RILPL1: variants seen among roughly 807,000 people sequenced by gnomAD.
RILPL1 encodes Rab interacting lysosomal protein like 1, also known as RILP-like protein 1.
Under a neutral mutation model 50.3 loss-of-function variants are expected in RILPL1, and 33 were observed. That is an observed-to-expected ratio of 0.66 (90% CI 0.50 to 0.88). The LOEUF is 0.88. Ranked by LOEUF, RILPL1 falls within the 40% of genes least tolerant of loss-of-function variation. The pLI, the probability that RILPL1 is intolerant of heterozygous loss-of-function variation, is 0.00. For missense variants in RILPL1, 418 were observed against 542.5 expected (o/e 0.77, Z 2.28); for synonymous variants, 205 against 228.6 (o/e 0.90, Z 0.93).
chr12:123,528,596 T>G (rs1885343532), intron 1 of RILPL1, among the ~76,000 whole-genome samples: 1 of 151,434 alleles, frequency 6.6e-6, no homozygotes, highest in Non-Finnish European at 1.5e-5. Flanking sequence ...CCCGGCTAAT[T>G]TTTTGTATTT....
intron 6 of RILPL1, among the ~76,000 whole-genome samples, chr12:123,480,128 G>A (rs1430473213): frequency 1.3e-5 from 2 of 150,580 alleles, no homozygotes; most frequent in Non-Finnish European, 3.0e-5. Context: ...TACATTGGAA[G>A]TGAAAGTGAA....
chr12:123,501,162 G>A (rs904715648), intron 2 of RILPL1, among the ~76,000 whole-genome samples: 5 of 151,742 alleles, frequency 3.3e-5, no homozygotes, highest in Admixed American at 6.6e-5. Flanking sequence ...AGATGGCCAC[G>A]CATCTTGGCT....
intron 2 of RILPL1, among the ~76,000 whole-genome samples, chr12:123,505,325 C>T (rs1819524508): frequency 6.6e-6 from 1 of 152,224 alleles, no homozygotes; most frequent in Middle Eastern, 3.4e-3. Context: ...AGCCACTGCG[C>T]CCAGCCTGTT....
chr12:123,494,349 C>T (rs984129861), intron 4 of RILPL1, among the ~76,000 whole-genome samples: 7 of 152,122 alleles, frequency 4.6e-5, no homozygotes, highest in African/African-American at 1.2e-4. Context: ...AAAGCTGCCC[C>T]GAGCCTGGGA....
Position 123,472,846 on chromosome 12 carries a change from A to T in RILPL1, c.1068-164T>A, listed in dbSNP as rs966253009. 4 of 686,188 alleles carry T rather than the reference A, an allele frequency of 5.8e-6. No individual in the cohort carries two copies. The African/African-American group carries it at 7.2e-5, about 12-fold the overall frequency. The allele number at this position is 686,188 out of a possible 1,614,324, so 42.5% of individuals were successfully genotyped here. A position where few individuals can be genotyped will look rare whatever the true frequency, so the allele number is the denominator to read the frequency against. On this transcript the variant is annotated intron_variant, in intron 6 of 6. Transcript: ENST00000376874. ...GTGCAGGTCAAAGTTATTCCAAGAA[A>T]GCAGCAGGGTATTCTGCGTGTCATT... is the stretch of plus-strand genomic sequence containing the variant.
Position 123,485,176 on chromosome 12 carries a change from A to C in RILPL1, c.974+457T>G, listed in dbSNP as rs1423783127. ...TGCTGGGAACTTAGCCATGGACAAGATAAATAAGACTTCTGGTCTCATGTT... is the reference window on the plus strand; with the variant it reads ...TGCTGGGAACTTAGCCATGGACAAGCTAAATAAGACTTCTGGTCTCATGTT... On this transcript the variant is annotated intron_variant, in intron 5 of 6. Coordinates refer to ENST00000376874, the MANE Select transcript of RILPL1 (RefSeq NM_178314.5). The surrounding 1 kb of genome is among the most constrained non-coding windows in gnomAD (Gnocchi z 4.0). 3 of 456,620 alleles carry C rather than the reference A, an allele frequency of 6.6e-6. No homozygotes were observed. Among genetic ancestry groups the C allele is most frequent in the Non-Finnish European group, 1.3e-5 (3 of 227,216 alleles). The allele number at this position is 456,620 out of a possible 1,614,324, so 28.3% of individuals were successfully genotyped here. A position where few individuals can be genotyped will look rare whatever the true frequency, so the allele number is the denominator to read the frequency against.
chr12:123,498,892 C>G lies in RILPL1; in HGVS notation c.580-127G>C. 4 of 849,146 alleles carry G rather than the reference C, an allele frequency of 4.7e-6. No homozygotes were observed. Among genetic ancestry groups the G allele is most frequent in the South Asian group, 1.5e-5 (1 of 65,044 alleles). The allele number at this position is 849,146 out of a possible 1,614,324, so 52.6% of individuals were successfully genotyped here. On this transcript the variant is annotated intron_variant, in intron 3 of 6. Coordinates refer to ENST00000376874, the MANE Select transcript of RILPL1 (RefSeq NM_178314.5). This position sits in a 1 kb window ranked among gnomAD's most constrained non-coding sequence, Gnocchi z 4.3. ...CAGACATCTTTGTTTGAAAGTTGTT[C>G]GTATTCTTATAGCTGATGATGCTAG...
intron 2 of RILPL1, among the ~76,000 whole-genome samples, chr12:123,512,777 G>A (rs1274072684): frequency 2.7e-5 from 4 of 146,442 alleles, no homozygotes; most frequent in Non-Finnish European, 6.0e-5. Context: ...AGGTCTGTGT[G>A]TGGTGTGTGA....
chr12:123,482,597 CT>C (rs1882066782), intron 6 of RILPL1, among the ~76,000 whole-genome samples: 1 of 150,276 alleles, frequency 6.7e-6, no homozygotes, highest in Non-Finnish European at 1.5e-5. Context: ...TTCTTTCTTT[CT>C]TTTTTATCCC....
chr12:123,509,665 G>A (rs975497376), intron 2 of RILPL1, among the ~76,000 whole-genome samples: 2 of 152,006 alleles, frequency 1.3e-5, no homozygotes, highest in Admixed American at 6.6e-5. Context: ...AGGGACAAAC[G>A]CCGTATGATT....
chr12:123,505,964 G>A (rs1290573666), intron 2 of RILPL1, among the ~76,000 whole-genome samples: 5 of 152,180 alleles, frequency 3.3e-5, no homozygotes, highest in Admixed American at 6.5e-5. Context: ...ACATGACACC[G>A]AACTAGTCAT....
At chr12:123,480,081 T>A (rs1228461015) in intron 6 of RILPL1, among the ~76,000 whole-genome samples, 2 of 151,814 alleles carry the variant, frequency 1.3e-5, no homozygotes, top group Non-Finnish European at 2.9e-5. Context: ...TTTTTAGAAT[T>A]ACATATGACC....
At chr12:123,493,593 A>G (rs980220713) in intron 4 of RILPL1, among the ~76,000 whole-genome samples, 1 of 151,960 alleles carries the variant, frequency 6.6e-6, no homozygotes, top group Non-Finnish European at 1.5e-5. Flanking sequence ...ATTCCTTTCT[A>G]GCTCTGCAAC....
At chr12:123,509,206 C>T (rs753685962) in intron 2 of RILPL1, among the ~76,000 whole-genome samples, 6 of 151,902 alleles carry the variant, frequency 3.9e-5, no homozygotes, top group Non-Finnish European at 5.9e-5. Flanking sequence ...TGTCCATCAA[C>T]GGAAGAATGG....
chr12:123,525,405 ATGGGGTAT>A, intron 1 of RILPL1, among the ~76,000 whole-genome samples: 1 of 136,838 alleles, frequency 7.3e-6, no homozygotes, highest in African/African-American at 2.7e-5. Context: ...TTTTTTAGAG[ATGGGGTAT>A]TGCTGGCTGA....
chr12:123,487,523 T>C (rs1479411774), intron 4 of RILPL1, among the ~76,000 whole-genome samples: 1 of 152,100 alleles, frequency 6.6e-6, no homozygotes, highest in East Asian at 1.9e-4. Flanking sequence ...GTCAGGCTGG[T>C]CTTGAACTCC....
intron 2 of RILPL1, among the ~76,000 whole-genome samples, chr12:123,506,881 C>T (rs889051253): frequency 1.3e-5 from 2 of 152,168 alleles, no homozygotes; most frequent in Non-Finnish European, 2.9e-5. Flanking sequence ...AATGACCACT[C>T]GGGTTTCTTC....
intron 2 of RILPL1, among the ~76,000 whole-genome samples, chr12:123,511,192 GGT>G (rs1357732505): frequency 1.5e-5 from 2 of 134,322 alleles, no homozygotes; most frequent in Admixed American, 1.5e-4. Flanking sequence ...GTGTGTGTGT[GGT>G]GTGTGAGGTC....
At chr12:123,530,149 A>C (rs1026524308) in intron 1 of RILPL1, among the ~76,000 whole-genome samples, 1 of 152,204 alleles carries the variant, frequency 6.6e-6, no homozygotes, top group African/African-American at 2.4e-5. Context: ...ATATATTAAA[A>C]TTAACCTCAC....
Sources: gnomAD v4.1 joint callset for allele counts (sites outside exome capture counted in the v4.1 genomes callset) on GRCh38, gnomAD v4.1.1 for gene constraint, Gnocchi (gnomAD v3.1) non-coding constraint, MANE v1.5 for transcripts, NCBI Gene and HGNC (gene_info 2026-07-23, HGNC 2026-07-21) for gene names.